The following TNFRSF9 variants were observed in gnomAD, a reference collection of about 807,000 sequenced individuals.
The protein encoded by TNFRSF9 is tumor necrosis factor receptor superfamily member 9.
TNFRSF9 carries 16 observed loss-of-function variants against 28.8 expected under a neutral mutation model. That is an observed-to-expected ratio of 0.55 (90% CI 0.38 to 0.84). The LOEUF is 0.84. Ranked by LOEUF, TNFRSF9 falls within the 40% of genes least tolerant of loss-of-function variation. TNFRSF9 has a pLI of 0.00. For missense variants in TNFRSF9, 303 were observed against 315.0 expected (o/e 0.96, Z 0.29); for synonymous variants, 131 against 117.0 (o/e 1.12, Z -0.77).
rs9657981 is a variant in TNFRSF9 at position 7,934,909 on chromosome 1, G to A, written c.544+104C>T. On this transcript the variant is annotated intron_variant, in intron 6 of 7. Coordinates refer to ENST00000377507, the MANE Select transcript of TNFRSF9 (RefSeq NM_001561.6). Reference sequence around the variant, plus strand: ...AGGGCAGGATTCAGGAAGAATGCACGTGGGAGGTGCCTGATATGAGATATC... The same window carrying A: ...AGGGCAGGATTCAGGAAGAATGCACATGGGAGGTGCCTGATATGAGATATC... 13,107 of 1,460,230 alleles carry A rather than the reference G, an allele frequency of 9.0e-3. 999 individuals carry two copies. In the African/African-American group the frequency reaches 0.16, roughly 18 times the overall value. The allele number at this position is 1,460,230 out of a possible 1,614,324, so 90.5% of individuals were successfully genotyped here. A position where few individuals can be genotyped will look rare whatever the true frequency, so the allele number is the denominator to read the frequency against.
chr1:7,928,016 C>A (rs1182381842), intron 7 of TNFRSF9, among the ~76,000 whole-genome samples: 1 of 152,048 alleles, frequency 6.6e-6, no homozygotes, highest in Non-Finnish European at 1.5e-5. Flanking sequence ...AAGACCTGAA[C>A]AACACTTCAC....
intron 7 of TNFRSF9, among the ~76,000 whole-genome samples, chr1:7,925,369 A>G (rs1195478439): frequency 6.6e-6 from 1 of 152,312 alleles, no homozygotes; most frequent in African/African-American, 2.4e-5. Context: ...TTATTATTGA[A>G]GAAAGAGAAC....
In TNFRSF9 at chr1:7,931,347, T is replaced by C. The variant is rs9657995; in HGVS notation, c.679+1815A>G. Among the ~76,000 whole-genome samples, 853 of 152,306 alleles carry C rather than the reference T, an allele frequency of 5.6e-3. 3 individuals are homozygous for C. Among genetic ancestry groups the C allele is most frequent in the Non-Finnish European group, 9.6e-3 (653 of 68,034 alleles). On this transcript the variant is annotated intron_variant, in intron 7 of 7. Coordinates refer to ENST00000377507, the MANE Select transcript of TNFRSF9 (RefSeq NM_001561.6). ...ACAAAAATATTCAAACGTCATTACA[T>C]GTAATAACCCCAAGCTGGAAATGAT...
intron 7 of TNFRSF9, among the ~76,000 whole-genome samples, chr1:7,925,302 C>CAAAA (rs200320091): frequency 3.8e-4 from 49 of 128,812 alleles, no homozygotes; most frequent in East Asian, 3.7e-3. Flanking sequence ...GACCCTGCCT[C>CAAAA]AAAAAAAAAA....
At chr1:7,938,035 T>A (rs1236690939) in intron 4 of TNFRSF9, among the ~76,000 whole-genome samples, 158 bp downstream of exon 4, 4 of 152,222 alleles carry the variant, frequency 2.6e-5, no homozygotes, top group African/African-American at 9.6e-5. Flanking sequence ...AATATTTTAT[T>A]AATTGAAATA....
At position 7,932,027 on chromosome 1, in the gene TNFRSF9, C is replaced by T. The variant is rs182466080; in HGVS notation, c.679+1135G>A. ...GTGTGGTGGCGCATGCCTGTAATGCCTCGGGAGCCTGAGGCAGGAGAATCG... is the reference window on the plus strand; with the variant it reads ...GTGTGGTGGCGCATGCCTGTAATGCTTCGGGAGCCTGAGGCAGGAGAATCG... On this transcript the variant is annotated intron_variant, in intron 7 of 7. Coordinates refer to ENST00000377507, the MANE Select transcript of TNFRSF9 (RefSeq NM_001561.6). 8.5e-5 allele frequency among the ~76,000 whole-genome samples: 13 copies of T among 152,224 alleles called. 1 individual carries two copies. Among genetic ancestry groups the T allele is most frequent in the Admixed American group, 3.9e-4 (6 of 15,298 alleles).
chr1:7,933,985 C>T (rs1639777233), intron 6 of TNFRSF9, among the ~76,000 whole-genome samples: 1 of 152,010 alleles, frequency 6.6e-6, no homozygotes, highest in Non-Finnish European at 1.5e-5. Context: ...CCATTGCACT[C>T]CAGCCTGGGT....
At chr1:7,928,426 G>A (rs1445104802) in intron 7 of TNFRSF9, among the ~76,000 whole-genome samples, 3 of 152,160 alleles carry the variant, frequency 2.0e-5, no homozygotes, top group Non-Finnish European at 4.4e-5. Context: ...ACAAACTGTG[G>A]CACAAGCATA....
rs1639487721 is a variant in TNFRSF9 at position 7,916,936 on chromosome 1, C to A, written c.*3899G>T. The A allele has an allele frequency of 6.6e-6, 1 of 151,910 alleles. No individual in the cohort carries two copies. Among genetic ancestry groups the A allele is most frequent in the Admixed American group, 6.6e-5 (1 of 15,232 alleles). The allele number at this position is 151,910 out of a possible 1,614,324, so 9.4% of individuals were successfully genotyped here. A position where few individuals can be genotyped will look rare whatever the true frequency, so the allele number is the denominator to read the frequency against. On this transcript the variant is annotated 3_prime_UTR_variant, in exon 8 of 8. Transcript: ENST00000377507. ...CAAGAATAACCAAGACATCTCTTTT[C>A]TTTTTTTTCCTGAGACAGAGTTTCG... is the stretch of plus-strand genomic sequence containing the variant.
intron 7 of TNFRSF9, among the ~76,000 whole-genome samples, chr1:7,928,399 A>G (rs1639684205): frequency 6.6e-6 from 1 of 152,242 alleles, no homozygotes; most frequent in African/African-American, 2.4e-5. Flanking sequence ...AATATCTTTT[A>G]ATGGGTGCAT....
Position 7,916,829 on chromosome 1 carries a change from A to C in TNFRSF9, c.*4006T>G, listed in dbSNP as rs1326869982. 2 of 152,172 alleles carry C rather than the reference A, an allele frequency of 1.3e-5. No homozygotes were observed. Among genetic ancestry groups the C allele is most frequent in the East Asian group, 3.8e-4 (2 of 5,198 alleles). The allele number at this position is 152,172 out of a possible 1,614,324, so 9.4% of individuals were successfully genotyped here. A position where few individuals can be genotyped will look rare whatever the true frequency, so the allele number is the denominator to read the frequency against. On this transcript the variant is annotated 3_prime_UTR_variant, in exon 8 of 8. Transcript: ENST00000377507. ...TCTGTAAAATTATCAACTCTCCCTA[A>C]ATTGACCTGTAGATTTAATGAAATT...
rs540580224 is a variant in TNFRSF9, at chr1:7,932,557, T to C, written c.679+605A>G. ...AGCTCCCTCTTTGTTCTCCTTGCCTTCCTCAAATATGGGTCTAAACTCATT... is the reference window on the plus strand; with the variant it reads ...AGCTCCCTCTTTGTTCTCCTTGCCTCCCTCAAATATGGGTCTAAACTCATT... On this transcript the variant is annotated intron_variant, in intron 7 of 7. Coordinates refer to ENST00000377507, the MANE Select transcript of TNFRSF9 (RefSeq NM_001561.6). Among the ~76,000 whole-genome samples, 49 of 152,266 alleles carry C rather than the reference T, an allele frequency of 3.2e-4. No homozygotes were observed. The Middle Eastern group carries it at 0.014, about 42-fold the overall frequency.
At chr1:7,932,035 C>A (rs9657993) in intron 7 of TNFRSF9, among the ~76,000 whole-genome samples, 2 of 152,054 alleles carry the variant, frequency 1.3e-5, no homozygotes, top group African/African-American at 4.8e-5. Flanking sequence ...GCCTCGGGAG[C>A]CTGAGGCAGG....
chr1:7,938,310 C>G lies in TNFRSF9; in HGVS notation c.229G>C (p.Glu77Gln). ...TCTGCATTGCTGGTGGAGGAACACT[C>G]CTTCCTGGTCCTGAAAACACCTACA... ...QCKGVFRTRKECSSTSNAECD... is the reference protein window; with the variant it reads ...QCKGVFRTRKQCSSTSNAECD... Residue 77 changes from glutamate (E) to glutamine (Q), a missense_variant, in exon 4 of 8, where the codon GAG (glutamate) becomes CAG (glutamine). Coordinates refer to ENST00000377507, the MANE Select transcript of TNFRSF9 (RefSeq NM_001561.6). The G allele has an allele frequency of 6.2e-7, 1 of 1,605,960 alleles. No homozygotes were observed. Among genetic ancestry groups the G allele is most frequent in the Non-Finnish European group, 8.5e-7 (1 of 1,176,530 alleles).
Position 7,923,268 on chromosome 1 carries a change from G to A in TNFRSF9, c.680-2345C>T, listed in dbSNP as rs140794694. Among the ~76,000 whole-genome samples, 618 of 152,318 alleles carry A rather than the reference G, an allele frequency of 4.1e-3. 1 individual carries two copies. Among genetic ancestry groups the A allele is most frequent in the Non-Finnish European group, 7.3e-3 (498 of 68,022 alleles). On this transcript the variant is annotated intron_variant, in intron 7 of 7. Coordinates refer to ENST00000377507, the MANE Select transcript of TNFRSF9 (RefSeq NM_001561.6). ...CACAAAAAACACCGTGGCTCCGCCT[G>A]CAAGCCCACCAGGAAGGACTGAGTA...
At position 7,933,215 on chromosome 1, in the gene TNFRSF9, C is replaced by T. The variant is rs1239035274; in HGVS notation, c.626G>A (p.Arg209His). 6.2e-6 allele frequency: 10 copies of T among 1,613,732 alleles called. No individual in the cohort carries two copies. Among genetic ancestry groups the T allele is most frequent in the South Asian group, 1.1e-5 (1 of 91,076 alleles). ...TCTGCCCCGTTTAACAACAGAGAAA[C>T]GGAGCGTGAGGAAGAACAGCAGGAA... is the stretch of plus-strand genomic sequence containing the variant. ...LLFLLFFLTL[R>H]FSVVKRGRKK... The change falls in exon 7 of 8, where the codon CGT becomes CAT. Residue 209 changes from arginine to histidine, a missense_variant. Arg to His is a conservative substitution (Grantham distance 29). Coordinates refer to ENST00000377507, the MANE Select transcript of TNFRSF9 (RefSeq NM_001561.6).
chr1:7,922,499 C>A (rs1208744245), intron 7 of TNFRSF9, among the ~76,000 whole-genome samples: 2 of 152,050 alleles, frequency 1.3e-5, no homozygotes, highest in African/African-American at 2.4e-5. Flanking sequence ...ATGCCAATAG[C>A]GTGGACAAAA....
chr1:7,924,833 T>C (rs1008105437), intron 7 of TNFRSF9, among the ~76,000 whole-genome samples: 2 of 152,130 alleles, frequency 1.3e-5, no homozygotes, highest in African/African-American at 4.8e-5. Context: ...GGCTAATAAG[T>C]GTGTTCGTGT....
chr1:7,932,721 GCACACACACACATACA>G (rs1208914678), intron 7 of TNFRSF9, among the ~76,000 whole-genome samples: 1 of 142,624 alleles, frequency 7.0e-6, no homozygotes, highest in African/African-American at 2.8e-5. Context: ...ACACAGACAC[GCACACACACACATACA>G]CACACACACA....
Sources: gnomAD v4.1 joint callset for allele counts (sites outside exome capture counted in the v4.1 genomes callset) on GRCh38, gnomAD v4.1.1 for gene constraint, MANE v1.5 for transcripts, NCBI Gene and HGNC (gene_info 2026-07-23, HGNC 2026-07-21) for gene names.